The following PKP4 variants were observed in gnomAD, a reference collection of about 807,000 sequenced individuals.
The protein encoded by PKP4 is plakophilin-4.
Under a neutral mutation model 145.1 loss-of-function variants are expected in PKP4, and 90 were observed. That is an observed-to-expected ratio of 0.62 (90% CI 0.52 to 0.74). The LOEUF is 0.74. Among genes scored for constraint, PKP4 ranks in the 30% least tolerant of loss-of-function variants. The pLI, the probability that PKP4 is intolerant of heterozygous loss-of-function variation, is 0.00. For missense variants in PKP4, 1,340 were observed against 1,482.7 expected (o/e 0.90, Z 1.58); for synonymous variants, 563 against 577.2 (o/e 0.98, Z 0.35).
At chr2:158,519,105 G>C (rs1332606305) in intron 1 of PKP4, among the ~76,000 whole-genome samples, 1 of 149,992 alleles carries the variant, frequency 6.7e-6, no homozygotes, top group East Asian at 1.9e-4. Flanking sequence ...CTAAGCTCTA[G>C]TCACCAAACT....
intron 9 of PKP4, among the ~76,000 whole-genome samples, chr2:158,637,114 C>T (rs2105923460): frequency 6.6e-6 from 1 of 152,260 alleles, no homozygotes; most frequent in African/African-American, 2.4e-5. Flanking sequence ...AAGTTGTCTC[C>T]TGTTAGGGTG....
chr2:158,463,497 A>G (rs938620807), intron 1 of PKP4, among the ~76,000 whole-genome samples: 1 of 152,030 alleles, frequency 6.6e-6, no homozygotes, highest in Non-Finnish European at 1.5e-5. Context: ...GGTTTGGAAT[A>G]TACATGATAT....
intron 1 of PKP4, among the ~76,000 whole-genome samples, chr2:158,483,788 TC>T (rs11295333): frequency 0.67 from 101,707 of 152,012 alleles, 34,256 homozygotes; most frequent in South Asian, 0.83. Context: ...TATGTTCTGC[TC>T]TAAGGAAATG....
At chr2:158,553,968 A>G (rs991220624) in intron 2 of PKP4, among the ~76,000 whole-genome samples, 1 of 151,984 alleles carries the variant, frequency 6.6e-6, no homozygotes, top group Non-Finnish European at 1.5e-5. Context: ...ACTTTTGGAG[A>G]TGTTGGAATG....
intron 1 of PKP4, among the ~76,000 whole-genome samples, chr2:158,480,968 T>C (rs1020804986): frequency 6.6e-6 from 1 of 152,264 alleles, no homozygotes; most frequent in Non-Finnish European, 1.5e-5. Context: ...AATAGAATCA[T>C]GTAGTACATG....
rs1007623716 is a variant in PKP4, at chr2:158,680,866, G to A, written c.*189G>A. 1.2e-5 allele frequency: 7 copies of A among 573,336 alleles called. No homozygotes were observed. Among genetic ancestry groups the A allele is most frequent in the African/African-American group, 1.9e-5 (1 of 53,446 alleles). The allele number at this position is 573,336 out of a possible 1,614,324, so 35.5% of individuals were successfully genotyped here. ...AAATGTTTGGGAGAGGACTTTCTAA[G>A]CTCTATTTAGGTGTTAGATCTAATT... On this transcript the variant is annotated 3_prime_UTR_variant, in exon 22 of 22. Transcript: ENST00000389759.
At chr2:158,646,423 T>A (rs2054832303) in intron 11 of PKP4, among the ~76,000 whole-genome samples, 1 of 152,212 alleles carries the variant, frequency 6.6e-6, no homozygotes, top group Admixed American at 6.5e-5. Flanking sequence ...TGTGTTTGAT[T>A]TATACCTAAA....
intron 1 of PKP4, among the ~76,000 whole-genome samples, chr2:158,496,665 GTTC>G (rs908452746): frequency 1.3e-5 from 2 of 152,032 alleles, no homozygotes; most frequent in Non-Finnish European, 2.9e-5. Flanking sequence ...TCCCCAAAAT[GTTC>G]TTATTTCAGA....
At chr2:158,605,095 C>T (rs923129658) in intron 4 of PKP4, among the ~76,000 whole-genome samples, 4 of 152,190 alleles carry the variant, frequency 2.6e-5, no homozygotes, top group African/African-American at 7.2e-5. Flanking sequence ...GCCATGTCTG[C>T]TCTGTTCAAC....
intron 1 of PKP4, among the ~76,000 whole-genome samples, chr2:158,490,446 G>A (rs1012722870): frequency 6.6e-6 from 1 of 151,732 alleles, no homozygotes; most frequent in African/African-American, 2.4e-5. Flanking sequence ...AAGTAAAGTC[G>A]ATGAATTTTT....
rs138652877 is a variant in PKP4 at position 158,616,201 on chromosome 2, A to G, written c.281-4789A>G. Among the ~76,000 whole-genome samples, 228 of 152,306 alleles carry G rather than the reference A, an allele frequency of 1.5e-3. 1 individual carries two copies. Among genetic ancestry groups the G allele is most frequent in the African/African-American group, 5.1e-3 (214 of 41,576 alleles). ...AAACAACATTTCTCACTCTGAAACA[A>G]CGTTTCCCAGTGACCTCATTCCCTC... On this transcript the variant is annotated intron_variant, in intron 4 of 21. Coordinates refer to ENST00000389759, the MANE Select transcript of PKP4 (RefSeq NM_003628.6).
chr2:158,533,134 A>T, intron 1 of PKP4, 46 bp from the exon 2 acceptor site: 2 of 1,544,650 alleles, frequency 1.3e-6, no homozygotes, highest in South Asian at 1.2e-5. Context: ...GGTTCCTGCA[A>T]GGGAGCCCAG....
intron 4 of PKP4, among the ~76,000 whole-genome samples, chr2:158,610,673 C>T (rs2051063347): frequency 6.6e-6 from 1 of 152,046 alleles, no homozygotes; most frequent in African/African-American, 2.4e-5. Context: ...AGTCACATTC[C>T]ATGAAGTGAA....
chr2:158,461,589 G>T (rs987396275), intron 1 of PKP4, among the ~76,000 whole-genome samples: 2 of 152,090 alleles, frequency 1.3e-5, no homozygotes, highest in African/African-American at 4.8e-5. Flanking sequence ...TGGTGACTGG[G>T]TGGGTGCCAA....
chr2:158,557,288 T>TC (rs554191259), intron 2 of PKP4, among the ~76,000 whole-genome samples: 158 of 152,166 alleles, frequency 1.0e-3, no homozygotes, highest in Middle Eastern at 3.4e-3. Context: ...ATACCTTACA[T>TC]GAGTCTGTGT....
intron 1 of PKP4, among the ~76,000 whole-genome samples, chr2:158,463,816 C>T (rs919262789): frequency 2.0e-5 from 3 of 152,190 alleles, no homozygotes; most frequent in Non-Finnish European, 4.4e-5. Flanking sequence ...TTGAAATTCT[C>T]AGCTCCTGAA....
chr2:158,504,524 A>G (rs2105506163), intron 1 of PKP4, among the ~76,000 whole-genome samples: 1 of 152,312 alleles, frequency 6.6e-6, no homozygotes, highest in Admixed American at 6.5e-5. Context: ...GGAAGAGAGG[A>G]GACAAGTTAA....
chr2:158,581,397 A>G (rs2048318814), intron 3 of PKP4, among the ~76,000 whole-genome samples: 1 of 152,154 alleles, frequency 6.6e-6, no homozygotes, highest in Non-Finnish European at 1.5e-5. Context: ...TGGTAAGGTG[A>G]TCTGTAAGAT....
chr2:158,513,001 G>C (rs2041644354), intron 1 of PKP4, among the ~76,000 whole-genome samples: 1 of 152,210 alleles, frequency 6.6e-6, no homozygotes, highest in South Asian at 2.1e-4. Context: ...CTCTGTCCCT[G>C]AGAGCAAAGA....
Sources: allele counts gnomAD v4.1 joint callset (sites outside exome capture counted in the v4.1 genomes callset), GRCh38; gene constraint gnomAD v4.1.1; transcripts MANE v1.5; gene names NCBI Gene and HGNC (gene_info 2026-07-23, HGNC 2026-07-21).